The following PPP1R12B variants were observed in gnomAD, a reference collection of about 807,000 sequenced individuals.
The protein encoded by PPP1R12B is myosin phosphatase target subunit 2.
Under a neutral mutation model 126.1 loss-of-function variants are expected in PPP1R12B, and 76 were observed. The observed-to-expected ratio is 0.60, with a 90% CI of 0.50 to 0.73. The LOEUF is 0.73. PPP1R12B is among the 30% of genes least tolerant of loss of function. The pLI, the probability that PPP1R12B is intolerant of heterozygous loss-of-function variation, is 0.00. For synonymous variants in PPP1R12B, 356 were observed against 434.7 expected (o/e 0.82, Z 2.25); for missense variants, 1,052 against 1,205.1 (o/e 0.87, Z 1.88).
chr1:202,562,794 A>G lies in PPP1R12B; in HGVS notation c.2524A>G (p.Ser842Gly). Residue 842 changes from serine (S) to glycine (G), a missense_variant, in exon 20 of 24, where the codon AGT becomes GGT. Coordinates refer to ENST00000608999, the MANE Select transcript of PPP1R12B (RefSeq NM_002481.4). ...ERLSRLESGG[S>G]NPTTSDSYGD... ...CTCCCACAGGTTGGAATCGGGAGGT[A>G]GTAATCCTACAACCAGTGATTCTTA... 6.2e-7 allele frequency: 1 copy of G among 1,612,238 alleles called. No individual in the cohort carries two copies. The highest frequency in any genetic ancestry group is 8.5e-7 in the Non-Finnish European group (1 of 1,178,850).
chr1:202,555,463 T>TAAAAAAAAAAAAAAAAA (rs59737329), intron 18 of PPP1R12B, among the ~76,000 whole-genome samples: 1 of 61,414 alleles, frequency 1.6e-5, no homozygotes. Flanking sequence ...AAGAAGAAAC[T>TAAAAAAAAAAAAAAAAA]AAAAAAAAAA....
intron 18 of PPP1R12B, among the ~76,000 whole-genome samples, chr1:202,545,959 G>A (rs1170646449): frequency 6.6e-6 from 1 of 152,140 alleles, no homozygotes; most frequent in Non-Finnish European, 1.5e-5. Context: ...ATAATTTTGA[G>A]GATTTGGGGA....
chr1:202,398,308 A>G (rs1665304916), intron 1 of PPP1R12B, among the ~76,000 whole-genome samples: 2 of 152,236 alleles, frequency 1.3e-5, no homozygotes, highest in African/African-American at 2.4e-5. Flanking sequence ...TTATTTCCAC[A>G]GCAAACAGCT....
chr1:202,425,700 G>C lies in PPP1R12B; in HGVS notation c.676G>C (p.Ala226Pro). 6.2e-7 allele frequency: 1 copy of C among 1,613,874 alleles called. No homozygotes were observed. Among genetic ancestry groups the C allele is most frequent in the Non-Finnish European group, 8.5e-7 (1 of 1,179,828 alleles). The change falls in exon 4 of 24, where the codon GCC becomes CCC. Residue 226 changes from alanine to proline, a missense_variant. By Grantham distance (27) the Ala-to-Pro change is conservative. Coordinates refer to ENST00000608999, the MANE Select transcript of PPP1R12B (RefSeq NM_002481.4). Reference protein sequence around the residue: ...SGATALHVAAAKGYSEVLRLL... With the variant: ...SGATALHVAAPKGYSEVLRLL... ...GGCTACAGCCCTTCATGTGGCTGCT[G>C]CCAAGGGCTACTCTGAAGTCCTCAG...
intron 23 of PPP1R12B, chr1:202,574,773 A>G (rs761960554): frequency 6.6e-6 from 3 of 456,924 alleles, no homozygotes; most frequent in Non-Finnish European, 7.9e-6. Flanking sequence ...TTTAGATCTT[A>G]GCCAAGAATC....
chr1:202,569,325 T>G (rs1688366192), intron 23 of PPP1R12B, 128 bp downstream of exon 23: 1 of 931,932 alleles, frequency 1.1e-6, no homozygotes, highest in Non-Finnish European at 1.6e-6. Flanking sequence ...AGAAATGATG[T>G]GTAAAAAAGT....
At chr1:202,476,421 A>G (rs1572196591) in intron 13 of PPP1R12B, among the ~76,000 whole-genome samples, 1 of 151,392 alleles carries the variant, frequency 6.6e-6, no homozygotes, top group Non-Finnish European at 1.5e-5. Context: ...GTGGTGGCTT[A>G]CCCTGTAATC....
chr1:202,519,139 T>A (rs1172338279), intron 18 of PPP1R12B, among the ~76,000 whole-genome samples: 3 of 152,256 alleles, frequency 2.0e-5, no homozygotes, highest in Non-Finnish European at 2.9e-5. Context: ...TTTGGTTTTT[T>A]ACTGCATTGT....
At chr1:202,404,645 G>A (rs530581673) in intron 1 of PPP1R12B, among the ~76,000 whole-genome samples, 9 of 152,024 alleles carry the variant, frequency 5.9e-5, no homozygotes, top group Non-Finnish European at 7.4e-5. Context: ...GACTGCAGGC[G>A]TGTGCCACCA....
intron 13 of PPP1R12B, among the ~76,000 whole-genome samples, chr1:202,469,106 C>A (rs1675486185): frequency 6.6e-6 from 1 of 152,148 alleles, no homozygotes; most frequent in Non-Finnish European, 1.5e-5. Context: ...TCATCCATAA[C>A]CTTAATTCAG....
chr1:202,463,009 T>A, intron 13 of PPP1R12B: 1 of 985,388 alleles, frequency 1.0e-6, no homozygotes, highest in Non-Finnish European at 1.2e-6. Context: ...TCTGCCATAG[T>A]TTGTTAGTAC....
chr1:202,505,870 G>C (rs1680750207), intron 18 of PPP1R12B, among the ~76,000 whole-genome samples: 1 of 151,546 alleles, frequency 6.6e-6, no homozygotes. Context: ...TTTTTTAAAA[G>C]GGAAAGATAG....
chr1:202,432,090 A>G (rs1670255677), intron 8 of PPP1R12B, among the ~76,000 whole-genome samples: 1 of 152,242 alleles, frequency 6.6e-6, no homozygotes, highest in African/African-American at 2.4e-5. Context: ...GAGATCTTGC[A>G]GAAGCTCTTA....
Position 202,459,982 on chromosome 1 carries a change from G to A in PPP1R12B, c.1850+10811G>A, listed in dbSNP as rs1674114970. 1.3e-5 allele frequency among the ~76,000 whole-genome samples: 2 copies of A among 152,178 alleles called. 1 individual carries two copies. The highest frequency in any genetic ancestry group is 4.1e-4 in the South Asian group (2 of 4,830). On this transcript the variant is annotated intron_variant, in intron 13 of 23. Coordinates refer to ENST00000608999, the MANE Select transcript of PPP1R12B (RefSeq NM_002481.4). ...GGCAGATAGCTCTGCAGAAATACCA[G>A]GGCCAGGCAGCAGCTGTCACAATAG... is the stretch of plus-strand genomic sequence containing the variant.
intron 13 of PPP1R12B, among the ~76,000 whole-genome samples, chr1:202,454,897 C>T (rs1489477562): frequency 1.3e-5 from 2 of 151,868 alleles, no homozygotes; most frequent in African/African-American, 4.8e-5. Context: ...ACTCTATCCT[C>T]GACCACAGAG....
chr1:202,463,133 G>A (rs1327157468), intron 13 of PPP1R12B: 2 of 914,368 alleles, frequency 2.2e-6, no homozygotes, highest in Middle Eastern at 5.5e-4. Context: ...TAATGTCCTA[G>A]ATGCATGTTT....
chr1:202,522,943 ACAGT>A lies in PPP1R12B; in HGVS notation c.2490+26126_2490+26129del, dbSNP rs1682926866. Among the ~76,000 whole-genome samples the A allele has an allele frequency of 2.0e-5, 3 of 152,236 alleles. No homozygotes were observed. The South Asian group carries it at 6.2e-4, about 31-fold the overall frequency. ...AGAATTATCAAGAAATAGCATATCCACAGTCAGTGTTGCAGATTTTAACACACCT... is the reference window on the plus strand; with the variant it reads ...AGAATTATCAAGAAATAGCATATCCACAGTGTTGCAGATTTTAACACACCT... On this transcript the variant is annotated intron_variant, in intron 18 of 23. Transcript: ENST00000608999.
chr1:202,380,657 C>T (rs1335704538), intron 1 of PPP1R12B, among the ~76,000 whole-genome samples: 2 of 152,168 alleles, frequency 1.3e-5, no homozygotes, highest in African/African-American at 2.4e-5. Flanking sequence ...CTCTCTTCTT[C>T]GCTGTTGCCT....
intron 1 of PPP1R12B, among the ~76,000 whole-genome samples, chr1:202,384,118 A>G (rs1403145053): frequency 6.6e-6 from 1 of 152,322 alleles, no homozygotes; most frequent in East Asian, 1.9e-4. Context: ...AAATGGTACA[A>G]CCACTTTGGT....
Sources: gnomAD v4.1 joint callset for allele counts (sites outside exome capture counted in the v4.1 genomes callset) on GRCh38, gnomAD v4.1.1 for gene constraint, MANE v1.5 for transcripts, NCBI Gene and HGNC (gene_info 2026-07-23, HGNC 2026-07-21) for gene names.